CFHR4: variants seen among roughly 807,000 people sequenced by gnomAD.
CFHR4 encodes the protein complement factor H-related protein 4.
In CFHR4, 64 loss-of-function variants were observed where a neutral mutation model predicts 69.3. That is an observed-to-expected ratio of 0.92 (90% CI 0.76 to 1.14). CFHR4 has a LOEUF of 1.14. Among genes scored for constraint, CFHR4 ranks in the 50% most tolerant of loss-of-function variants. CFHR4 has a pLI of 0.00. For synonymous variants in CFHR4, 244 were observed against 237.0 expected (o/e 1.03, Z -0.27); for missense variants, 636 against 684.9 (o/e 0.93, Z 0.80).
rs528833742 is a variant in CFHR4 at position 196,894,229 on chromosome 1, A to G, written c.58+6021A>G. Among the ~76,000 whole-genome samples the G allele has an allele frequency of 2.6e-5, 4 of 151,778 alleles. 1 individual carries two copies. In the East Asian group the frequency reaches 7.7e-4, roughly 29 times the overall value. On this transcript the variant is annotated intron_variant, in intron 1 of 9. Coordinates refer to ENST00000608469, the MANE Select transcript of CFHR4 (RefSeq NM_001201550.3). ...TCCTAAATTATGTAGAAAATGAAAT[A>G]TGGAGTTTTAAACCAAAGTTACAAC...
chr1:196,907,547 A>T, intron 5 of CFHR4, 49 bp downstream of exon 5: 2 of 1,488,004 alleles, frequency 1.3e-6, no homozygotes, highest in Admixed American at 1.8e-5. Flanking sequence ...AATAACTTTG[A>T]TCCTTGTTTA....
At chr1:196,904,284 A>G (rs1419216696) in intron 2 of CFHR4, among the ~76,000 whole-genome samples, 1 of 151,668 alleles carries the variant, frequency 6.6e-6, no homozygotes. Flanking sequence ...AAAGTTGACA[A>G]GAATAGATCA....
chr1:196,906,875 C>G lies in CFHR4; in HGVS notation c.454C>G (p.Pro152Ala). 1 of 1,600,862 alleles carries G rather than the reference C, an allele frequency of 6.2e-7. No homozygotes were observed. Among genetic ancestry groups the G allele is most frequent in the Non-Finnish European group, 8.5e-7 (1 of 1,175,110 alleles). ...TTTTGTTTCAGAATTTTGTGATATG[C>G]CTGTTTTTGAGAATTCCAGAGCCAA... is the stretch of plus-strand genomic sequence containing the variant. ...QPICIKFCDM[P>A]VFENSRAKSN... The change falls in exon 4 of 10, where the codon CCT becomes GCT. Residue 152 changes from proline to alanine, a missense_variant. Transcript: ENST00000608469.
chr1:196,891,739 CAT>C lies in CFHR4; in HGVS notation c.58+3533_58+3534del, dbSNP rs1458573291. On this transcript the variant is annotated intron_variant, in intron 1 of 9. Coordinates refer to ENST00000608469, the MANE Select transcript of CFHR4 (RefSeq NM_001201550.3). ...AACTTGTTTCAAAATTATAAAGAAACATAAATTATTTGCTATTTAAATTGTGG... is the reference window on the plus strand; with the variant it reads ...AACTTGTTTCAAAATTATAAAGAAACAAATTATTTGCTATTTAAATTGTGG... Among the ~76,000 whole-genome samples, 68 of 151,390 alleles carry C rather than the reference CAT, an allele frequency of 4.5e-4. 3 individuals are homozygous for C. The highest frequency in any genetic ancestry group is 1.4e-3 in the African/African-American group (58 of 41,118).
intron 1 of CFHR4, among the ~76,000 whole-genome samples, chr1:196,898,234 T>C (rs1356737777): frequency 6.6e-6 from 1 of 151,554 alleles, no homozygotes; most frequent in Non-Finnish European, 1.5e-5. Context: ...TATAGATGGC[T>C]TTTATCCTAC....
rs200339924 is a variant in CFHR4 at position 196,902,477 on chromosome 1, C to T, written c.118C>T (p.Arg40Cys). ...TGGAGGTCTATATTATAAGAGTTTGCGTAGACTATACTTTCCAGCAGCTGC... is the reference window on the plus strand; with the variant it reads ...TGGAGGTCTATATTATAAGAGTTTGTGTAGACTATACTTTCCAGCAGCTGC... Reference protein sequence around the residue: ...QHGGLYYKSLRRLYFPAAAGQ... With the variant: ...QHGGLYYKSLCRLYFPAAAGQ... The change falls in exon 2 of 10, where the codon CGT becomes TGT. Residue 40 changes from arginine to cysteine, a missense_variant. Physicochemically the swap from Arg to Cys is radical, Grantham distance 180. Coordinates refer to ENST00000608469, the MANE Select transcript of CFHR4 (RefSeq NM_001201550.3). The T allele has an allele frequency of 1.9e-4, 306 of 1,611,718 alleles. 8 individuals are homozygous for T. In the East Asian group the frequency reaches 4.5e-3, roughly 24 times the overall value.
chr1:196,910,206 C>A, intron 5 of CFHR4, 75 bp from the exon 6 acceptor site: 55 of 729,542 alleles, frequency 7.5e-5, no homozygotes, highest in South Asian at 4.0e-4. Flanking sequence ...GTAACATAAT[C>A]AAAACAGTCA....
intron 1 of CFHR4, among the ~76,000 whole-genome samples, chr1:196,891,270 A>C (rs1404364112): frequency 6.6e-6 from 1 of 151,466 alleles, no homozygotes; most frequent in Non-Finnish European, 1.5e-5. Flanking sequence ...TAAGTAAATA[A>C]AATGATTTCC....
At position 196,906,900 on chromosome 1, in the gene CFHR4, A is replaced by C. The variant is rs1261464781; in HGVS notation, c.479A>C (p.Lys160Thr). ...CCTGTTTTTGAGAATTCCAGAGCCA[A>C]GAGTAATGGCATGTGGTTTAAGCTC... ...DMPVFENSRAKSNGMWFKLHD... is the reference protein window; with the variant it reads ...DMPVFENSRATSNGMWFKLHD... Residue 160 changes from lysine (K) to threonine (T), a missense_variant, in exon 4 of 10, where the codon AAG (lysine) becomes ACG (threonine). By Grantham distance (78) the Lys-to-Thr change is moderately conservative. Transcript: ENST00000608469. The C allele has an allele frequency of 1.9e-6, 3 of 1,606,194 alleles. No homozygotes were observed. The highest frequency in any genetic ancestry group is 4.5e-5 in the East Asian group (2 of 44,700).
chr1:196,893,399 AT>A (rs1657132302), intron 1 of CFHR4, among the ~76,000 whole-genome samples: 1 of 151,432 alleles, frequency 6.6e-6, no homozygotes, highest in Non-Finnish European at 1.5e-5. Flanking sequence ...ATATTGCCAT[AT>A]GTTGCTGGGA....
intron 6 of CFHR4, among the ~76,000 whole-genome samples, chr1:196,912,475 T>C (rs1658329128): frequency 6.6e-6 from 1 of 151,268 alleles, no homozygotes; most frequent in Admixed American, 6.6e-5. Context: ...TAGATGTGCA[T>C]TCCTTAAGGC....
At chr1:196,910,512 A>T in intron 6 of CFHR4, 34 bp downstream of exon 6, 4 of 1,539,412 alleles carry the variant, frequency 2.6e-6, no homozygotes, top group Non-Finnish European at 3.6e-6. Context: ...TATGTGCATA[A>T]AACTTGCAAA....
intron 7 of CFHR4, among the ~76,000 whole-genome samples, chr1:196,913,821 A>G (rs780667910): frequency 5.9e-5 from 9 of 151,584 alleles, no homozygotes; most frequent in Non-Finnish European, 1.3e-4. Flanking sequence ...ATACTAGGCT[A>G]AGTGAGAAAA....
At chr1:196,904,063 C>A (rs1206410672) in intron 2 of CFHR4, among the ~76,000 whole-genome samples, 2 of 151,564 alleles carry the variant, frequency 1.3e-5, no homozygotes, top group Non-Finnish European at 2.9e-5. Flanking sequence ...CAATGGTAAT[C>A]TTCTTACACA....
In CFHR4 at chr1:196,889,245, CAT is replaced by C. The variant is rs1475534434; in HGVS notation, c.58+1038_58+1039del. Among the ~76,000 whole-genome samples, 5 of 151,356 alleles carry C rather than the reference CAT, an allele frequency of 3.3e-5. 1 individual carries two copies. The highest frequency in any genetic ancestry group is 1.2e-4 in the African/African-American group (5 of 41,034). The stretch of plus-strand genomic sequence containing the variant: ...TTAGGTTTTACAGTATTATCTATCA[CAT>C]GATTCGCTAGTTTTAATTGCTGTGC... On this transcript the variant is annotated intron_variant, in intron 1 of 9. Transcript: ENST00000608469.
chr1:196,891,061 G>C (rs1357648880), intron 1 of CFHR4, among the ~76,000 whole-genome samples: 3 of 151,332 alleles, frequency 2.0e-5, no homozygotes. Flanking sequence ...GACCAGCCTG[G>C]CCAACATGGT....
At chr1:196,902,084 G>T (rs1024319348) in intron 1 of CFHR4, among the ~76,000 whole-genome samples, 1 of 151,480 alleles carries the variant, frequency 6.6e-6, no homozygotes, top group South Asian at 2.1e-4. Flanking sequence ...TCTGATTTCT[G>T]ATGGGATGGA....
In CFHR4 at chr1:196,918,236, A is replaced by C. The variant is rs1272543390; in HGVS notation, c.1567A>C (p.Met523Leu). 6.2e-7 allele frequency: 1 copy of C among 1,605,050 alleles called. No individual in the cohort carries two copies. Among genetic ancestry groups the C allele is most frequent in the Non-Finnish European group, 8.5e-7 (1 of 1,173,780 alleles). Residue 523 changes from methionine (M) to leucine (L), a missense_variant, in exon 10 of 10, where the codon ATG becomes CTG. Met to Leu is a conservative substitution (Grantham distance 15, BLOSUM62 2). Transcript: ENST00000608469. ...TCCATGTATAATAACTGAAGAAAAC[A>C]TGAATAAAAATAACATACAGTTAAA... Reference protein sequence around the residue: ...IHPCIITEENMNKNNIQLKGK... With the variant: ...IHPCIITEENLNKNNIQLKGK...
At chr1:196,918,078 C>T in intron 9 of CFHR4, 132 bp from the exon 10 acceptor site, 2 of 1,018,570 alleles carry the variant, frequency 2.0e-6, no homozygotes, top group Non-Finnish European at 2.7e-6. Flanking sequence ...GTATGTAGCA[C>T]AAATTAATAA....
Sources: gnomAD v4.1 joint callset for allele counts (sites outside exome capture counted in the v4.1 genomes callset) on GRCh38, gnomAD v4.1.1 for gene constraint, MANE v1.5 for transcripts, NCBI Gene and HGNC (gene_info 2026-07-23, HGNC 2026-07-21) for gene names.